CADM2: variants seen among roughly 807,000 people sequenced by gnomAD.
The protein encoded by CADM2 is immunoglobulin superfamily member 4D.
Under a neutral mutation model 49.8 loss-of-function variants are expected in CADM2, and 12 were observed. The observed-to-expected ratio is 0.24, with a 90% CI of 0.15 to 0.39. The LOEUF is 0.39. Ranked by LOEUF, CADM2 falls within the 10% of genes least tolerant of loss-of-function variation. The pLI, the probability that CADM2 is intolerant of heterozygous loss-of-function variation, is 1.00. For missense variants in CADM2, 378 were observed against 492.3 expected, an observed-to-expected ratio of 0.77 and a Z score of 2.20; for synonymous variants, 214 against 175.4, an observed-to-expected ratio of 1.22 and a Z score of -1.74.
chr3:85,182,402 A>G (rs187397386), intron 1 of CADM2, among the ~76,000 whole-genome samples: 87 of 152,218 alleles, frequency 5.7e-4, no homozygotes, highest in Admixed American at 4.6e-3. Flanking sequence ...ATAATGAGAT[A>G]TGCTATGATA....
chr3:85,792,754 C>T (rs976489265), intron 2 of CADM2, among the ~76,000 whole-genome samples: 3 of 152,192 alleles, frequency 2.0e-5, no homozygotes, highest in South Asian at 2.1e-4. Flanking sequence ...ATGTTATTTT[C>T]GAAAGCAGAG....
chr3:85,961,109 A>G lies in CADM2; in HGVS notation c.792-360A>G, dbSNP rs1724755237. On this transcript the variant is annotated intron_variant, in intron 7 of 9. Coordinates refer to ENST00000383699, the MANE Select transcript of CADM2 (RefSeq NM_001167675.2). ...TTTATATTTACTTATATCCAAATAC[A>G]TCTGAGGAAGATTTGCCCCAATAGC... Among the ~76,000 whole-genome samples, 3 of 149,616 alleles carry G rather than the reference A, an allele frequency of 2.0e-5. No homozygotes were observed. The Admixed American group carries it at 2.0e-4, about 10-fold the overall frequency.
At chr3:85,799,126 C>G (rs1057144548) in intron 2 of CADM2, among the ~76,000 whole-genome samples, 1 of 152,104 alleles carries the variant, frequency 6.6e-6, no homozygotes, top group African/African-American at 2.4e-5. Context: ...ATTTTGTATC[C>G]TGAGACTTTG....
At chr3:85,744,495 A>G (rs1030072529) in intron 2 of CADM2, among the ~76,000 whole-genome samples, 9 of 151,954 alleles carry the variant, frequency 5.9e-5, no homozygotes, top group Non-Finnish European at 1.3e-4. Context: ...TACATCTGCC[A>G]TGTACCCACA....
chr3:85,526,595 T>A (rs1039907378), intron 1 of CADM2, among the ~76,000 whole-genome samples: 4 of 152,158 alleles, frequency 2.6e-5, no homozygotes, highest in African/African-American at 7.2e-5. Flanking sequence ...TACAGCCCAT[T>A]TGAAACTCAT....
chr3:85,915,816 C>G (rs889646899), intron 6 of CADM2, among the ~76,000 whole-genome samples: 9 of 152,124 alleles, frequency 5.9e-5, no homozygotes, highest in African/African-American at 2.2e-4. Flanking sequence ...GAACATTTAG[C>G]ATTTCAGATC....
At position 86,073,404 on chromosome 3, in the gene CADM2, G is replaced by T. The variant is rs1703386567; in HGVS notation, c.*6621G>T. ...AAACACAGTTATTGAATCTACTCTT[G>T]TCATTAACATTTTCAAAAAACAAAA... On this transcript the variant is annotated 3_prime_UTR_variant, in exon 10 of 10. Transcript: ENST00000383699. 2.0e-5 allele frequency: 3 copies of T among 152,014 alleles called. No individual in the cohort carries two copies. Among genetic ancestry groups the T allele is most frequent in the African/African-American group, 2.4e-5 (1 of 41,434 alleles). 9.4% of individuals were successfully genotyped at this position (152,014 alleles called of 1,614,324 possible).
intron 1 of CADM2, among the ~76,000 whole-genome samples, chr3:85,714,027 C>T (rs1041902253): frequency 6.6e-6 from 1 of 152,168 alleles, no homozygotes; most frequent in Non-Finnish European, 1.5e-5. Flanking sequence ...GGGAGATTCA[C>T]TAGAGGCCAG....
chr3:85,466,077 A>C (rs1239345361), intron 1 of CADM2, among the ~76,000 whole-genome samples: 1 of 152,136 alleles, frequency 6.6e-6, no homozygotes, highest in African/African-American at 2.4e-5. Context: ...TCTAAATACC[A>C]CGTGCTTGTC....
In CADM2 at chr3:86,013,610, A is replaced by G. The variant is rs530794420; in HGVS notation, c.970+51963A>G. The G allele has an allele frequency of 8.8e-5, 141 of 1,599,766 alleles. No individual in the cohort carries two copies. The African/African-American group carries it at 1.6e-3, about 18-fold the overall frequency. ...AAACTCTCAGGGAAGAGAGAGAATCACACTTCTTTTCCATTATCACTGACG... is the reference window on the plus strand; with the variant it reads ...AAACTCTCAGGGAAGAGAGAGAATCGCACTTCTTTTCCATTATCACTGACG... On this transcript the variant is annotated intron_variant, in intron 8 of 9. Coordinates refer to ENST00000383699, the MANE Select transcript of CADM2 (RefSeq NM_001167675.2).
At chr3:85,223,457 T>C (rs1471410694) in intron 1 of CADM2, among the ~76,000 whole-genome samples, 2 of 152,154 alleles carry the variant, frequency 1.3e-5, no homozygotes, top group Non-Finnish European at 2.9e-5. Flanking sequence ...ATAACTAACC[T>C]GTGTTTGCCT....
rs111762847 is a variant in CADM2 at position 85,171,178 on chromosome 3, A to T, written c.61+211510A>T. 2.0e-3 allele frequency among the ~76,000 whole-genome samples: 303 copies of T among 152,320 alleles called. 1 individual carries two copies. Among genetic ancestry groups the T allele is most frequent in the African/African-American group, 6.9e-3 (289 of 41,586 alleles). On this transcript the variant is annotated intron_variant, in intron 1 of 9. Transcript: ENST00000383699. ...GTTATCTTTCAAACAGAATTATGTC[A>T]TCGTGTATGGTATTCATTGAAGAGT...
intron 1 of CADM2, among the ~76,000 whole-genome samples, chr3:85,560,935 G>T (rs1198587965): frequency 6.6e-6 from 1 of 152,102 alleles, no homozygotes; most frequent in African/African-American, 2.4e-5. Flanking sequence ...CCTGCCATAT[G>T]AATCCTTTAA....
intron 1 of CADM2, among the ~76,000 whole-genome samples, chr3:85,555,208 G>A (rs1469641670): frequency 1.3e-5 from 2 of 152,132 alleles, no homozygotes; most frequent in Non-Finnish European, 2.9e-5. Context: ...GTGCTTTAAG[G>A]TGGCTTACAC....
intron 1 of CADM2, among the ~76,000 whole-genome samples, chr3:85,339,988 G>T (rs1370304962): frequency 1.3e-5 from 2 of 151,142 alleles, no homozygotes; most frequent in Non-Finnish European, 3.0e-5. Flanking sequence ...AAGGAAAAAA[G>T]ACATGCTATT....
intron 1 of CADM2, among the ~76,000 whole-genome samples, chr3:85,701,965 G>GAC (rs1162342082): frequency 8.5e-6 from 1 of 118,090 alleles, no homozygotes; most frequent in Non-Finnish European, 1.8e-5. Flanking sequence ...GATGTAGATA[G>GAC]ATAGACATAG....
chr3:85,483,180 C>T (rs1457124856), intron 1 of CADM2, among the ~76,000 whole-genome samples: 2 of 151,408 alleles, frequency 1.3e-5, no homozygotes, highest in Non-Finnish European at 3.0e-5. Context: ...TGTAAGTACA[C>T]AATTCAGTGG....
chr3:85,453,269 T>C (rs2037835129), intron 1 of CADM2, among the ~76,000 whole-genome samples: 1 of 152,114 alleles, frequency 6.6e-6, no homozygotes, highest in East Asian at 1.9e-4. Context: ...CATAGTATAA[T>C]AAAGTGGATG....
At chr3:85,412,012 G>A (rs950154164) in intron 1 of CADM2, among the ~76,000 whole-genome samples, 11 of 152,074 alleles carry the variant, frequency 7.2e-5, no homozygotes, top group African/African-American at 2.7e-4. Flanking sequence ...ATTTTCAGTA[G>A]AGACCAGGTT....
Sources: allele counts gnomAD v4.1 joint callset (sites outside exome capture counted in the v4.1 genomes callset), GRCh38; gene constraint gnomAD v4.1.1; transcripts MANE v1.5; gene names NCBI Gene and HGNC (gene_info 2026-07-23, HGNC 2026-07-21).